The following ACSL5 variants were observed in gnomAD, a reference collection of about 807,000 sequenced individuals.
ACSL5 encodes acyl-CoA synthetase long chain family member 5.
Under a neutral mutation model 84.9 loss-of-function variants are expected in ACSL5, and 50 were observed. That is an observed-to-expected ratio of 0.59 (90% CI 0.47 to 0.75). The LOEUF (loss-of-function observed/expected upper bound fraction) is 0.75. Among genes scored for constraint, ACSL5 ranks in the 30% least tolerant of loss-of-function variants. The probability of loss-of-function intolerance (pLI) is 0.00; values close to 1 mark genes in which losing one functional copy is unlikely to be tolerated. For missense variants in ACSL5, 775 were observed against 830.4 expected (o/e 0.93, Z 0.82); for synonymous variants, 280 against 300.7 (o/e 0.93, Z 0.71).
intron 14 of ACSL5, among the ~76,000 whole-genome samples, chr10:112,421,139 G>GT (rs1844451103): frequency 6.6e-6 from 1 of 151,596 alleles, no homozygotes; most frequent in Admixed American, 6.6e-5. Flanking sequence ...TGAGTTCAAG[G>GT]TTTTTTGTTT....
Position 112,393,731 on chromosome 10 carries a change from C to T in ACSL5, c.-29-1187C>T, listed in dbSNP as rs557467577. Among the ~76,000 whole-genome samples, 11 of 152,290 alleles carry T rather than the reference C, an allele frequency of 7.2e-5. No individual in the cohort carries two copies. The East Asian group carries it at 2.1e-3, about 29-fold the overall frequency. ...TTCATTTGCTGTCACCTGGAAGGTG[C>T]TAGACAAATTCAATCCCCTTGAATT... On this transcript the variant is annotated intron_variant, in intron 1 of 20. Coordinates refer to ENST00000354655, the MANE Select transcript of ACSL5 (RefSeq NM_203379.2).
At chr10:112,393,695 A>G (rs1843689042) in intron 1 of ACSL5, among the ~76,000 whole-genome samples, 1 of 152,220 alleles carries the variant, frequency 6.6e-6, no homozygotes, top group African/African-American at 2.4e-5. Flanking sequence ...TGAAGAATGC[A>G]AATTCTGAAC....
chr10:112,375,987 G>C (rs1197335696), intron 1 of ACSL5, among the ~76,000 whole-genome samples: 1 of 152,150 alleles, frequency 6.6e-6, no homozygotes, highest in African/African-American at 2.4e-5. Flanking sequence ...ATCTGAGGGG[G>C]CACCTCAAGT....
At chr10:112,390,037 TG>T in intron 1 of ACSL5, among the ~76,000 whole-genome samples, 1 of 152,178 alleles carries the variant, frequency 6.6e-6, no homozygotes, top group Admixed American at 6.5e-5. Flanking sequence ...AGAACCAGCC[TG>T]GGCAACATAG....
chr10:112,378,751 C>T (rs1849292050), intron 1 of ACSL5, among the ~76,000 whole-genome samples: 2 of 152,190 alleles, frequency 1.3e-5, no homozygotes, highest in Non-Finnish European at 2.9e-5. Context: ...GCTGGAAATG[C>T]ATCTGGGTCT....
intron 5 of ACSL5, among the ~76,000 whole-genome samples, chr10:112,406,960 A>T: frequency 6.6e-6 from 1 of 152,198 alleles, no homozygotes; most frequent in Admixed American, 6.5e-5. Flanking sequence ...TTGGACTTAC[A>T]GTTCCACATG....
chr10:112,425,411 A>T lies in ACSL5; in HGVS notation c.1667A>T (p.Glu556Val). The change falls in exon 18 of 21, where the codon GAG becomes GTG. Residue 556 changes from glutamate to valine, a missense_variant. Physicochemically the swap from Glu to Val is moderately radical, Grantham distance 121 (BLOSUM62 -2). Coordinates refer to ENST00000354655, the MANE Select transcript of ACSL5 (RefSeq NM_203379.2). ...GCCCAAGGAGAATACATTGCACCAG[A>T]GAAGATAGAAAATATCTACAACAGG... The part of the protein sequence containing the change: ...KLAQGEYIAP[E>V]KIENIYNRSQ... 6.2e-7 allele frequency: 1 copy of T among 1,613,878 alleles called. No homozygotes were observed.
rs1011324077 is a variant in ACSL5, at chr10:112,415,401, G to A, written c.1084-1487G>A. Among the ~76,000 whole-genome samples the A allele has an allele frequency of 1.2e-4, 18 of 152,124 alleles. 1 individual carries two copies. The highest frequency in any genetic ancestry group is 9.7e-4 in the East Asian group (5 of 5,162). ...TTTTTAGTAGAGACGGGTTTTCACC[G>A]TGTTAGCCAGGATGGTCTCGATCTC... On this transcript the variant is annotated intron_variant, in intron 12 of 20. Coordinates refer to ENST00000354655, the MANE Select transcript of ACSL5 (RefSeq NM_203379.2).
At chr10:112,382,262 C>T (rs1226399291) in intron 1 of ACSL5, among the ~76,000 whole-genome samples, 1 of 152,252 alleles carries the variant, frequency 6.6e-6, no homozygotes, top group Non-Finnish European at 1.5e-5. Flanking sequence ...CCGACCCTGT[C>T]CTGCTGTGTG....
chr10:112,417,583 T>C (rs1844348016), intron 13 of ACSL5, among the ~76,000 whole-genome samples: 4 of 152,140 alleles, frequency 2.6e-5, no homozygotes, highest in Non-Finnish European at 1.5e-5. Context: ...TATAAGCAAT[T>C]TGAGGGGCTG....
chr10:112,417,364 G>T (rs554583273), intron 13 of ACSL5, among the ~76,000 whole-genome samples: 2 of 151,938 alleles, frequency 1.3e-5, no homozygotes, highest in Admixed American at 1.3e-4. Context: ...TTAGCCGGGC[G>T]TGGTGGTGGG....
chr10:112,391,299 G>A (rs1019112758), intron 1 of ACSL5, among the ~76,000 whole-genome samples: 2 of 151,794 alleles, frequency 1.3e-5, no homozygotes, highest in African/African-American at 4.8e-5. Context: ...GAACCTGGGA[G>A]GCAGAGGTTG....
chr10:112,376,443 C>T (rs574547795), intron 1 of ACSL5: 14 of 1,614,050 alleles, frequency 8.7e-6, no homozygotes, highest in East Asian at 4.5e-5. Flanking sequence ...GCGGCCCCCT[C>T]GCAGGGTAAG....
intron 2 of ACSL5, among the ~76,000 whole-genome samples, 199 bp downstream of exon 2, chr10:112,395,301 T>C (rs1171107779): frequency 5.3e-5 from 8 of 152,236 alleles, no homozygotes; most frequent in Admixed American, 5.2e-4. Flanking sequence ...AGTTGTATGA[T>C]GTCAGTAATC....
intron 19 of ACSL5, 198 bp from the exon 20 acceptor site, chr10:112,426,590 A>C (rs1844728323): frequency 4.8e-6 from 3 of 622,942 alleles, no homozygotes; most frequent in African/African-American, 3.7e-5. Context: ...AATGCTATTC[A>C]GAGAAAACTG....
At chr10:112,401,805 TTTC>T (rs1171977286) in intron 3 of ACSL5, among the ~76,000 whole-genome samples, 1 of 83,760 alleles carries the variant, frequency 1.2e-5, no homozygotes, top group Admixed American at 1.6e-4. Context: ...TCTTTCTTTC[TTTC>T]TTTCTTTCTT....
Position 112,411,569 on chromosome 10 carries a change from GAATC to G in ACSL5, c.870+41_870+44del, listed in dbSNP as rs759750301. ...GAAAAAGAGGCTCTCATTAAAATGT[GAATC>G]TGTCATAAGATTTTTATTTTTGAGG... is the stretch of plus-strand genomic sequence containing the variant. On this transcript the variant is annotated intron_variant, in intron 10 of 20. Coordinates refer to ENST00000354655, the MANE Select transcript of ACSL5 (RefSeq NM_203379.2). The G allele has an allele frequency of 2.9e-5, 46 of 1,565,778 alleles. 1 individual carries two copies. In the East Asian group the frequency reaches 9.6e-4, roughly 33 times the overall value.
intron 1 of ACSL5, among the ~76,000 whole-genome samples, chr10:112,385,734 G>C (rs921168895): frequency 2.0e-5 from 3 of 152,164 alleles, no homozygotes; most frequent in Non-Finnish European, 4.4e-5. Flanking sequence ...ATCTGAGGGG[G>C]TTGATACTTT....
At chr10:112,380,012 C>A (rs1849318392) in intron 1 of ACSL5, among the ~76,000 whole-genome samples, 1 of 152,194 alleles carries the variant, frequency 6.6e-6, no homozygotes. Flanking sequence ...TTATCAGATC[C>A]AGTGGACTTC....
Sources: allele counts gnomAD v4.1 joint callset (sites outside exome capture counted in the v4.1 genomes callset), GRCh38; gene constraint gnomAD v4.1.1; transcripts MANE v1.5; gene names NCBI Gene and HGNC (gene_info 2026-07-23, HGNC 2026-07-21).